The following SNTG1 variants were observed in gnomAD, a reference collection of about 807,000 sequenced individuals.
SNTG1 encodes the protein syntrophin gamma 1.
A neutral mutation model predicts 74.7 loss-of-function variants in SNTG1; 39 were observed. The observed-to-expected ratio is 0.52, with a 90% CI of 0.40 to 0.68. The LOEUF (loss-of-function observed/expected upper bound fraction) is 0.68. Among genes scored for constraint, SNTG1 ranks in the 30% least tolerant of loss-of-function variants. SNTG1 has a pLI of 0.00. For synonymous variants in SNTG1, 254 were observed against 217.1 expected, an observed-to-expected ratio of 1.17 and a Z score of -1.49; for missense variants, 685 against 609.5, an observed-to-expected ratio of 1.12 and a Z score of -1.30.
At position 50,297,885 on chromosome 8, in the gene SNTG1, T is replaced by A. The variant is rs553884238; in HGVS notation, c.-27-96327T>A. Among the ~76,000 whole-genome samples the A allele has an allele frequency of 2.0e-3, 306 of 151,788 alleles. 2 individuals carry two copies. The highest frequency in any genetic ancestry group is 6.9e-3 in the African/African-American group (288 of 41,450). ...GATTTGGTTGAAATATGTGGCTTTTTTTTTTTTTTACAACAATTTGGTTCG... is the reference window on the plus strand; with the variant it reads ...GATTTGGTTGAAATATGTGGCTTTTATTTTTTTTTACAACAATTTGGTTCG... On this transcript the variant is annotated intron_variant, in intron 2 of 18. Transcript: ENST00000642720.
At chr8:50,689,459 C>A (rs9771952) in intron 15 of SNTG1, among the ~76,000 whole-genome samples, 7 of 152,090 alleles carry the variant, frequency 4.6e-5, no homozygotes, top group Non-Finnish European at 7.4e-5. Flanking sequence ...TAGCATGAAG[C>A]GTTGTTGAAT....
intron 12 of SNTG1, among the ~76,000 whole-genome samples, chr8:50,576,914 A>AT (rs1400264408): frequency 6.6e-6 from 1 of 152,044 alleles, no homozygotes; most frequent in African/African-American, 2.4e-5. Context: ...TGATAACATT[A>AT]TTTTTTCCTT....
chr8:50,635,260 C>G (rs548569225), intron 13 of SNTG1, among the ~76,000 whole-genome samples: 1 of 152,226 alleles, frequency 6.6e-6, no homozygotes, highest in Non-Finnish European at 1.5e-5. Flanking sequence ...AAAGTGACAA[C>G]TTTAGTTTGG....
chr8:50,559,581 C>T (rs970367874), intron 12 of SNTG1, among the ~76,000 whole-genome samples: 13 of 151,944 alleles, frequency 8.6e-5, no homozygotes, highest in African/African-American at 3.1e-4. Context: ...GATTGAAAGT[C>T]AAAATTTAGA....
intron 10 of SNTG1, among the ~76,000 whole-genome samples, chr8:50,534,976 C>G (rs2094297180): frequency 6.6e-6 from 1 of 151,956 alleles, no homozygotes; most frequent in Non-Finnish European, 1.5e-5. Flanking sequence ...AATTTTGCCC[C>G]TTATTTCAGC....
intron 1 of SNTG1, among the ~76,000 whole-genome samples, chr8:50,155,651 T>C (rs2082230005): frequency 6.6e-6 from 1 of 151,916 alleles, no homozygotes; most frequent in South Asian, 2.1e-4. Context: ...ATAATAAACA[T>C]TTGTAAGATG....
chr8:49,965,666 T>A (rs1811073703), intron 1 of SNTG1, among the ~76,000 whole-genome samples: 1 of 152,128 alleles, frequency 6.6e-6, no homozygotes, highest in Admixed American at 6.5e-5. Flanking sequence ...TCTAGCCCCA[T>A]CAGAAATGTT....
chr8:50,389,959 G>T (rs1424199689), intron 2 of SNTG1, among the ~76,000 whole-genome samples: 1 of 152,172 alleles, frequency 6.6e-6, no homozygotes, highest in African/African-American at 2.4e-5. Flanking sequence ...ATTTGTTTGA[G>T]TTCTTTGTAG....
Position 50,304,742 on chromosome 8 carries a change from C to T in SNTG1, c.-27-89470C>T, listed in dbSNP as rs1173546703. Among the ~76,000 whole-genome samples, 34 of 152,148 alleles carry T rather than the reference C, an allele frequency of 2.2e-4. 1 individual carries two copies. Among genetic ancestry groups the T allele is most frequent in the Admixed American group, 2.2e-3 (34 of 15,270 alleles). On this transcript the variant is annotated intron_variant, in intron 2 of 18. Coordinates refer to ENST00000642720, the MANE Select transcript of SNTG1 (RefSeq NM_018967.5). ...GCAGATAGCTTTTTCATACTATACT[C>T]TGTCTAATATAGCCATCATTTCATG... is the stretch of plus-strand genomic sequence containing the variant.
At chr8:50,704,410 A>T (rs2095436447) in intron 15 of SNTG1, among the ~76,000 whole-genome samples, 190 bp from the exon 16 acceptor site, 1 of 152,200 alleles carries the variant, frequency 6.6e-6, no homozygotes, top group Non-Finnish European at 1.5e-5. Flanking sequence ...GCTTCAGTGT[A>T]AAGACAGAGA....
chr8:49,985,455 C>A (rs1156253308), intron 1 of SNTG1, among the ~76,000 whole-genome samples: 2 of 152,070 alleles, frequency 1.3e-5, no homozygotes, highest in African/African-American at 2.4e-5. Flanking sequence ...CTATTAAAAT[C>A]AATATTGAAA....
intron 1 of SNTG1, among the ~76,000 whole-genome samples, chr8:50,134,406 A>G (rs1428591256): frequency 6.6e-6 from 1 of 152,158 alleles, no homozygotes; most frequent in Non-Finnish European, 1.5e-5. Flanking sequence ...AAGATAAAAT[A>G]AAAAGAGAGG....
At chr8:50,530,386 T>C in intron 10 of SNTG1, 127 bp downstream of exon 10, 1 of 941,628 alleles carries the variant, frequency 1.1e-6, no homozygotes, top group African/African-American at 1.7e-5. Context: ...AGAATTATGA[T>C]AAACAAGAAA....
chr8:50,410,672 C>G (rs149403181), intron 4 of SNTG1, among the ~76,000 whole-genome samples: 1 of 152,262 alleles, frequency 6.6e-6, no homozygotes, highest in Non-Finnish European at 1.5e-5. Flanking sequence ...TTCTATTCTT[C>G]CATTCCTCAG....
intron 1 of SNTG1, among the ~76,000 whole-genome samples, chr8:50,157,444 G>A (rs1449995701): frequency 6.6e-6 from 1 of 151,928 alleles, no homozygotes; most frequent in East Asian, 1.9e-4. Flanking sequence ...ATGATTACTT[G>A]ATAATTCTTT....
At chr8:50,664,724 AT>A (rs2095242300) in intron 15 of SNTG1, among the ~76,000 whole-genome samples, 1 of 152,140 alleles carries the variant, frequency 6.6e-6, no homozygotes, top group Admixed American at 6.6e-5. Context: ...TACAGTTGCA[AT>A]GATCAGGTTC....
Position 50,684,645 on chromosome 8 carries a change from C to T in SNTG1, c.1039-19955C>T, listed in dbSNP as rs187050379. ...TAATTACATTCTACATATGATCTAT[C>T]CATATTTTAAGAAATTATCATATAA... On this transcript the variant is annotated intron_variant, in intron 15 of 18. Coordinates refer to ENST00000642720, the MANE Select transcript of SNTG1 (RefSeq NM_018967.5). 2.2e-3 allele frequency among the ~76,000 whole-genome samples: 340 copies of T among 151,496 alleles called. 2 individuals are homozygous for T. Among genetic ancestry groups the T allele is most frequent in the African/African-American group, 7.5e-3 (311 of 41,328 alleles).
chr8:50,066,427 T>C (rs940257790), intron 1 of SNTG1, among the ~76,000 whole-genome samples: 1 of 152,172 alleles, frequency 6.6e-6, no homozygotes, highest in Non-Finnish European at 1.5e-5. Flanking sequence ...AAAATTTGCT[T>C]TATTTTTGTA....
At chr8:50,307,651 T>G (rs1265107162) in intron 2 of SNTG1, among the ~76,000 whole-genome samples, 2 of 152,178 alleles carry the variant, frequency 1.3e-5, no homozygotes, top group Admixed American at 6.6e-5. Context: ...TAGCTCATTT[T>G]GAAACATTAG....
Sources: gnomAD v4.1 joint callset for allele counts (sites outside exome capture counted in the v4.1 genomes callset) on GRCh38, gnomAD v4.1.1 for gene constraint, MANE v1.5 for transcripts, NCBI Gene and HGNC (gene_info 2026-07-23, HGNC 2026-07-21) for gene names.